GALNT13: variants seen among roughly 807,000 people sequenced by gnomAD.
GALNT13 encodes UDP-GalNAc:polypeptide N-acetylgalactosaminyltransferase 13.
Under a neutral mutation model 64.2 loss-of-function variants are expected in GALNT13, and 28 were observed. That is an observed-to-expected ratio of 0.44 (90% confidence interval 0.32 to 0.60). The LOEUF (loss-of-function observed/expected upper bound fraction) is 0.60. Among genes scored for constraint, GALNT13 ranks in the 20% least tolerant of loss-of-function variants. The probability of loss-of-function intolerance (pLI) is 0.05; values close to 1 mark genes in which losing one functional copy is unlikely to be tolerated. For synonymous variants in GALNT13, 214 were observed against 224.6 expected (o/e 0.95, Z 0.42); for missense variants, 577 against 669.8 (o/e 0.86, Z 1.53).
the GALNT13 span, among the ~76,000 whole-genome samples, chr2:153,372,049 T>C: frequency 1.6e-4 from 24 of 152,310 alleles, no homozygotes; most frequent in Non-Finnish European, 2.2e-4. Context: ...TCTGATTTAG[T>C]GAGTGTTGAA....
chr2:153,957,436 T>C (rs1692640238), intron 3 of GALNT13, among the ~76,000 whole-genome samples: 1 of 152,208 alleles, frequency 6.6e-6, no homozygotes, highest in Admixed American at 6.5e-5. Context: ...TGGGAAGCCA[T>C]CTGCAGGGAC....
chr2:153,138,254 C>G, the GALNT13 span, among the ~76,000 whole-genome samples: 3 of 152,010 alleles, frequency 2.0e-5, no homozygotes, highest in African/African-American at 7.2e-5. Context: ...AAGAGTATGT[C>G]TATTCTAATC....
intron 2 of GALNT13, among the ~76,000 whole-genome samples, chr2:153,935,971 T>C (rs1290628074): frequency 6.6e-6 from 1 of 152,200 alleles, no homozygotes; most frequent in Non-Finnish European, 1.5e-5. Context: ...AGAGCTTTGA[T>C]ATGAAAGTAT....
At chr2:153,785,641 T>C in the GALNT13 span, among the ~76,000 whole-genome samples, 2 of 151,908 alleles carry the variant, frequency 1.3e-5, no homozygotes, top group South Asian at 2.1e-4. Context: ...CCACTGTTAC[T>C]GGGAGTGTTC....
the GALNT13 span, among the ~76,000 whole-genome samples, chr2:153,086,530 G>T: frequency 6.6e-6 from 1 of 152,060 alleles, no homozygotes; most frequent in Non-Finnish European, 1.5e-5. Flanking sequence ...TCTCTTGCCT[G>T]CTGCCATGTA....
At chr2:153,433,018 A>G in the GALNT13 span, among the ~76,000 whole-genome samples, 4 of 152,062 alleles carry the variant, frequency 2.6e-5, no homozygotes, top group African/African-American at 9.7e-5. Context: ...AGGCATATAC[A>G]TAGACACTCC....
At chr2:153,731,563 T>A in the GALNT13 span, among the ~76,000 whole-genome samples, 1 of 151,922 alleles carries the variant, frequency 6.6e-6, no homozygotes, top group African/African-American at 2.4e-5. Flanking sequence ...CATGTCCTCA[T>A]CCAACAGTGA....
At chr2:154,441,115 T>C (rs1701272654) in intron 12 of GALNT13, among the ~76,000 whole-genome samples, 1 of 152,126 alleles carries the variant, frequency 6.6e-6, no homozygotes, top group African/African-American at 2.4e-5. Context: ...TTCATATACA[T>C]ATTTACATTT....
At chr2:153,263,802 T>C in the GALNT13 span, among the ~76,000 whole-genome samples, 8 of 152,146 alleles carry the variant, frequency 5.3e-5, no homozygotes, top group African/African-American at 1.7e-4. Flanking sequence ...TAATTCAAGA[T>C]GGATTAAAGG....
the GALNT13 span, among the ~76,000 whole-genome samples, chr2:153,257,349 G>A: frequency 1.3e-5 from 2 of 152,016 alleles, no homozygotes; most frequent in Admixed American, 1.3e-4. Context: ...TGCGCCCACT[G>A]TCTGGCACTC....
chr2:153,757,945 T>C, the GALNT13 span, among the ~76,000 whole-genome samples: 2 of 152,158 alleles, frequency 1.3e-5, no homozygotes, highest in African/African-American at 4.8e-5. Flanking sequence ...GCATCTTCAT[T>C]CTGTTAATTT....
intron 2 of GALNT13, among the ~76,000 whole-genome samples, chr2:153,923,871 C>T (rs957194689): frequency 2.6e-5 from 4 of 151,984 alleles, no homozygotes; most frequent in Non-Finnish European, 5.9e-5. Context: ...GACATGAACT[C>T]ATCATTTTTT....
At chr2:154,147,401 A>C (rs1412571310) in intron 4 of GALNT13, among the ~76,000 whole-genome samples, 2 of 149,184 alleles carry the variant, frequency 1.3e-5, no homozygotes, top group South Asian at 2.1e-4. Flanking sequence ...ATATATATAT[A>C]TCTCCTAGTA....
the GALNT13 span, among the ~76,000 whole-genome samples, chr2:153,476,313 C>T: frequency 5.3e-5 from 8 of 152,256 alleles, no homozygotes; most frequent in South Asian, 1.7e-3. Flanking sequence ...AAATGGAACA[C>T]TTTATTATTA....
chr2:153,649,616 C>A, the GALNT13 span, among the ~76,000 whole-genome samples: 1 of 152,100 alleles, frequency 6.6e-6, no homozygotes, highest in South Asian at 2.1e-4. Flanking sequence ...CTATAAATTT[C>A]CCTCTACACA....
chr2:153,926,982 T>G (rs996015200), intron 2 of GALNT13, among the ~76,000 whole-genome samples: 4 of 152,104 alleles, frequency 2.6e-5, no homozygotes, highest in African/African-American at 9.6e-5. Context: ...AAAAAACAGT[T>G]GCAATCATAG....
At chr2:153,284,001 G>A in the GALNT13 span, among the ~76,000 whole-genome samples, 1 of 152,174 alleles carries the variant, frequency 6.6e-6, no homozygotes, top group African/African-American at 2.4e-5. Context: ...GGCTGCGAAT[G>A]CTCTAAATAC....
chr2:153,779,543 G>A, the GALNT13 span, among the ~76,000 whole-genome samples: 8 of 152,018 alleles, frequency 5.3e-5, no homozygotes, highest in Admixed American at 2.0e-4. Flanking sequence ...TTCAACTACT[G>A]TGATCTACAA....
At chr2:153,884,469 TA>T (rs1352194220) in intron 1 of GALNT13, among the ~76,000 whole-genome samples, 2 of 151,772 alleles carry the variant, frequency 1.3e-5, no homozygotes, top group African/African-American at 4.8e-5. Context: ...GTTTACTATA[TA>T]AAGAAATATA....
Sources: gnomAD v4.1 joint callset for allele counts (sites outside exome capture counted in the v4.1 genomes callset) on GRCh38, gnomAD v4.1.1 for gene constraint, MANE v1.5 for transcripts, NCBI Gene and HGNC (gene_info 2026-07-23, HGNC 2026-07-21) for gene names.